Variants in DTNB observed in about 807,000 individuals in gnomAD.
DTNB encodes the protein dystrobrevin beta, also known as DTN-B.
Under a neutral mutation model 90.7 loss-of-function variants are expected in DTNB, and 63 were observed. The ratio of observed to expected loss-of-function variants is 0.69; its 90% CI spans 0.57 to 0.86. The LOEUF is 0.86. DTNB is among the 40% of genes least tolerant of loss of function. DTNB has a pLI of 0.00. For synonymous variants in DTNB, 277 were observed against 286.7 expected, an observed-to-expected ratio of 0.97 and a Z score of 0.34; for missense variants, 744 against 807.1, an observed-to-expected ratio of 0.92 and a Z score of 0.95.
chr2:25,388,517 A>T (rs1389169190), intron 16 of DTNB, 156 bp from the exon 17 acceptor site: 1 of 1,011,756 alleles, frequency 9.9e-7, no homozygotes, highest in African/African-American at 1.6e-5. Context: ...GCTGCTTCCA[A>T]GACTGGAGAG....
chr2:25,519,979 AGT>A (rs1235517357), intron 9 of DTNB, among the ~76,000 whole-genome samples: 7 of 152,248 alleles, frequency 4.6e-5, no homozygotes, highest in Non-Finnish European at 1.0e-4. Context: ...TGTGGAAGAC[AGT>A]GTTTCAACCC....
intron 9 of DTNB, among the ~76,000 whole-genome samples, chr2:25,526,387 ATATATATATTT>A (rs1370872213): frequency 1.4e-4 from 8 of 55,456 alleles, no homozygotes; most frequent in African/African-American, 8.4e-4. Flanking sequence ...ATATATATAT[ATATATATATTT>A]TTTTTTTTTT....
rs749913189 is a variant in DTNB, at chr2:25,427,596, G to T, written c.1493C>A (p.Ala498Asp). Residue 498 changes from alanine to aspartate, a missense_variant, in exon 15 of 21, where the codon GCC (alanine) becomes GAC (aspartate). Ala to Asp is a moderately radical substitution (Grantham distance 126). Coordinates refer to ENST00000406818, the MANE Select transcript of DTNB (RefSeq NM_021907.5). ...CAGCTCCCGCCTGCTCTCCTGCAGG[G>T]CCGACATCCTCTGCTCCAGTTCATC... is the stretch of plus-strand genomic sequence containing the variant. ...RKDELEQRMS[A>D]LQESRRELMV... is the part of the protein sequence containing the mutation. The T allele has an allele frequency of 1.2e-6, 2 of 1,613,564 alleles. No homozygotes were observed. The highest frequency in any genetic ancestry group is 2.2e-5 in the South Asian group (2 of 91,060).
At chr2:25,444,564 C>T (rs1471744090) in intron 12 of DTNB, among the ~76,000 whole-genome samples, 1 of 150,512 alleles carries the variant, frequency 6.6e-6, no homozygotes, top group Non-Finnish European at 1.5e-5. Flanking sequence ...AATGTAGGCA[C>T]TTCAGGAAAA....
intron 5 of DTNB, among the ~76,000 whole-genome samples, chr2:25,600,337 T>C (rs947278508): frequency 1.2e-4 from 19 of 152,230 alleles, no homozygotes; most frequent in Non-Finnish European, 2.8e-4. Context: ...GAAAACCCTT[T>C]GCTTTCTTCA....
At chr2:25,629,581 C>T (rs1029547183) in intron 3 of DTNB, among the ~76,000 whole-genome samples, 1 of 152,022 alleles carries the variant, frequency 6.6e-6, no homozygotes, top group African/African-American at 2.4e-5. Flanking sequence ...AAGTGGATGA[C>T]AATTTTCAAC....
chr2:25,658,730 G>C (rs1574139150), intron 1 of DTNB, among the ~76,000 whole-genome samples: 2 of 152,146 alleles, frequency 1.3e-5, no homozygotes, highest in African/African-American at 4.8e-5. Context: ...TATAGAAACA[G>C]GAAAATGATC....
intron 9 of DTNB, among the ~76,000 whole-genome samples, chr2:25,504,429 AAAG>A (rs2071763978): frequency 6.6e-6 from 1 of 150,822 alleles, no homozygotes; most frequent in Admixed American, 6.6e-5. Context: ...AGAAGGAAAG[AAAG>A]AAGGAAAGAG....
At chr2:25,519,626 TACAGTCTGAGATGCAC>T (rs1435454820) in intron 9 of DTNB, among the ~76,000 whole-genome samples, 2 of 152,198 alleles carry the variant, frequency 1.3e-5, no homozygotes, top group Non-Finnish European at 2.9e-5. Flanking sequence ...TCCAAAAATC[TACAGTCTGAGATGCAC>T]CAGTGAGCAT....
At chr2:25,498,333 T>C (rs928480655) in intron 9 of DTNB, among the ~76,000 whole-genome samples, 7 of 152,178 alleles carry the variant, frequency 4.6e-5, no homozygotes, top group Non-Finnish European at 1.0e-4. Flanking sequence ...GTGTGACTGT[T>C]ACTACACACA....
rs1171425906 is a variant in DTNB at position 25,388,269 on chromosome 2, GGTGGAGCCGGCAGAC to G, written c.1653_1667del (p.Ser552_Thr556del). 6.2e-7 allele frequency: 1 copy of G among 1,610,578 alleles called. No individual in the cohort carries two copies. Among genetic ancestry groups the G allele is most frequent in the Non-Finnish European group, 8.5e-7 (1 of 1,178,740 alleles). ...GCGAGTCCTGCGGACAGTGGGTGGG[GGTGGAGCCGGCAGAC>G]GTGGAGCGCACTGGCATGGGCATTG... is the stretch of plus-strand genomic sequence containing the variant. On this transcript the variant is annotated inframe_deletion, in exon 17 of 21. Transcript: ENST00000406818.
chr2:25,533,720 G>A (rs1373781294), intron 8 of DTNB, among the ~76,000 whole-genome samples: 2 of 152,108 alleles, frequency 1.3e-5, no homozygotes, highest in Non-Finnish European at 2.9e-5. Context: ...CTGTATCTTG[G>A]CATGTGCCTT....
At chr2:25,550,913 G>T (rs771352055) in intron 8 of DTNB, among the ~76,000 whole-genome samples, 3 of 152,190 alleles carry the variant, frequency 2.0e-5, no homozygotes, top group Non-Finnish European at 4.4e-5. Context: ...GCCTCCCAAA[G>T]TGCTGGGATT....
intron 9 of DTNB, among the ~76,000 whole-genome samples, chr2:25,530,931 C>T (rs2078039238): frequency 6.6e-6 from 1 of 152,184 alleles, no homozygotes; most frequent in Non-Finnish European, 1.5e-5. Flanking sequence ...TATTTCTCAA[C>T]TTTATTGTTC....
intron 8 of DTNB, among the ~76,000 whole-genome samples, chr2:25,571,017 G>A (rs2059787654): frequency 6.6e-6 from 1 of 152,102 alleles, no homozygotes; most frequent in South Asian, 2.1e-4. Context: ...GTGAATCAAG[G>A]TTCATCCTTG....
intron 5 of DTNB, among the ~76,000 whole-genome samples, chr2:25,599,637 C>T (rs191970689): frequency 1.3e-5 from 2 of 152,212 alleles, no homozygotes; most frequent in East Asian, 3.9e-4. Context: ...CAGTGTCTGG[C>T]CCAAACTAGC....
At position 25,424,103 on chromosome 2, in the gene DTNB, G is replaced by A. The variant is rs541852590; in HGVS notation, c.1554+3432C>T. ...CATATAATACAAAAATTAAGATTAC[G>A]TGGTAATTCTTTTAGGAAGCTGGAC... On this transcript the variant is annotated intron_variant, in intron 15 of 20. Coordinates refer to ENST00000406818, the MANE Select transcript of DTNB (RefSeq NM_021907.5). This position sits in a 1 kb window ranked among gnomAD's most constrained non-coding sequence, Gnocchi z 4.1. Among the ~76,000 whole-genome samples, 12 of 152,206 alleles carry A rather than the reference G, an allele frequency of 7.9e-5. No homozygotes were observed. Among genetic ancestry groups the A allele is most frequent in the South Asian group, 2.1e-4 (1 of 4,822 alleles).
At chr2:25,455,337 C>T in intron 11 of DTNB, 68 bp downstream of exon 11, 3 of 1,442,652 alleles carry the variant, frequency 2.1e-6, no homozygotes, top group Non-Finnish European at 2.8e-6. Flanking sequence ...GCTGACAACC[C>T]CAGGTAGCAA....
intron 9 of DTNB, among the ~76,000 whole-genome samples, chr2:25,512,637 A>G (rs539822378): frequency 7.5e-4 from 115 of 152,358 alleles, no homozygotes; most frequent in Non-Finnish European, 1.5e-3. Context: ...CAAAGAAGAG[A>G]TCCATATGAG....
Sources: allele counts gnomAD v4.1 joint callset (sites outside exome capture counted in the v4.1 genomes callset), GRCh38; gene constraint gnomAD v4.1.1; non-coding constraint Gnocchi (gnomAD v3.1); transcripts MANE v1.5; gene names NCBI Gene and HGNC (gene_info 2026-07-23, HGNC 2026-07-21).